Variants in CDH4 observed in about 807,000 individuals in gnomAD.
CDH4 encodes the protein cadherin 4, also known as cadherin-4.
In CDH4, 33 loss-of-function variants were observed where a neutral mutation model predicts 86.0. That is an observed-to-expected ratio of 0.38 (90% CI 0.29 to 0.51). The LOEUF is 0.51. Among genes scored for constraint, CDH4 ranks in the 20% least tolerant of loss-of-function variants. The pLI is 0.86. For missense variants in CDH4, 1,114 were observed against 1,307.4 expected, an observed-to-expected ratio of 0.85 and a Z score of 2.28; for synonymous variants, 555 against 549.4, an observed-to-expected ratio of 1.01 and a Z score of -0.14.
intron 7 of CDH4, among the ~76,000 whole-genome samples, chr20:61,886,402 AG>A (rs2146174215): frequency 6.6e-6 from 1 of 152,362 alleles, no homozygotes; most frequent in African/African-American, 2.4e-5. Context: ...CAAAAACCCC[AG>A]GGATGGCCCA....
Position 61,920,250 on chromosome 20 carries a change from TCA to T in CDH4, c.1375-3198_1375-3197del, listed in dbSNP as rs906710704. On this transcript the variant is annotated intron_variant, in intron 9 of 15. Coordinates refer to ENST00000614565, the MANE Select transcript of CDH4 (RefSeq NM_001794.5). ...ACGGTGATTGCATGGAAGCGTGGTGTCACAGTGATTGCATGGAAGCGTGTCAT... is the reference window on the plus strand; with the variant it reads ...ACGGTGATTGCATGGAAGCGTGGTGTCAGTGATTGCATGGAAGCGTGTCAT... Among the ~76,000 whole-genome samples, 84 of 150,370 alleles carry T rather than the reference TCA, an allele frequency of 5.6e-4. 1 individual carries two copies. Among genetic ancestry groups the T allele is most frequent in the African/African-American group, 1.9e-3 (78 of 40,704 alleles).
intron 2 of CDH4, among the ~76,000 whole-genome samples, chr20:61,688,714 A>G (rs2087617791): frequency 6.6e-6 from 1 of 152,242 alleles, no homozygotes; most frequent in Non-Finnish European, 1.5e-5. Flanking sequence ...CAGTGCCCCC[A>G]ACTTAGAGTC....
intron 2 of CDH4, among the ~76,000 whole-genome samples, chr20:61,280,104 G>T (rs1361964556): frequency 5.9e-5 from 9 of 152,148 alleles, no homozygotes; most frequent in Non-Finnish European, 7.4e-5. Flanking sequence ...ACCCTGGGCT[G>T]TGAGTCTGCG....
chr20:61,678,584 G>A (rs1038979062), intron 2 of CDH4, among the ~76,000 whole-genome samples: 2 of 152,226 alleles, frequency 1.3e-5, no homozygotes, highest in African/African-American at 4.8e-5. Flanking sequence ...GCAGTAACAA[G>A]TGCCACCAAC....
intron 2 of CDH4, among the ~76,000 whole-genome samples, chr20:61,628,959 G>A (rs554827152): frequency 6.6e-6 from 1 of 152,358 alleles, no homozygotes; most frequent in South Asian, 2.1e-4. Context: ...TGCATACAGT[G>A]GAGGCTTGAT....
chr20:61,879,529 A>C lies in CDH4; in HGVS notation c.1050+5629A>C, dbSNP rs542928309. Among the ~76,000 whole-genome samples, 1 of 152,206 alleles carries C rather than the reference A, an allele frequency of 6.6e-6. No individual in the cohort carries two copies. The highest frequency in any genetic ancestry group is 6.5e-5 in the Admixed American group (1 of 15,288). On this transcript the variant is annotated intron_variant, in intron 7 of 15. Coordinates refer to ENST00000614565, the MANE Select transcript of CDH4 (RefSeq NM_001794.5). This position sits in a 1 kb window ranked among gnomAD's most constrained non-coding sequence, Gnocchi z 4.1. ...ACAAACATCATTGCCGCCGTGTCTAATTAGGCAGAGCTATGTAAATTGAGC... is the reference window on the plus strand; with the variant it reads ...ACAAACATCATTGCCGCCGTGTCTACTTAGGCAGAGCTATGTAAATTGAGC...
intron 2 of CDH4, among the ~76,000 whole-genome samples, chr20:61,352,735 C>G (rs1009424522): frequency 5.9e-5 from 9 of 152,058 alleles, no homozygotes; most frequent in African/African-American, 2.2e-4. Context: ...GCGTTGTTTT[C>G]CTAGCCTGCC....
At chr20:61,444,343 G>GTT (rs1484792891) in intron 2 of CDH4, among the ~76,000 whole-genome samples, 5 of 3,828 alleles carry the variant, frequency 1.3e-3, no homozygotes, top group Non-Finnish European at 3.3e-3. Context: ...TTCTCTGTGT[G>GTT]TGTCTGTGTA....
intron 2 of CDH4, among the ~76,000 whole-genome samples, chr20:61,633,800 A>G (rs1350419186): frequency 6.6e-6 from 1 of 152,202 alleles, no homozygotes; most frequent in East Asian, 1.9e-4. Context: ...GCTGGTGCTC[A>G]GTGATGTAGC....
At position 61,694,847 on chromosome 20, in the gene CDH4, C is replaced by T. The variant is rs949547548; in HGVS notation, c.170-48716C>T. On this transcript the variant is annotated intron_variant, in intron 2 of 15. Coordinates refer to ENST00000614565, the MANE Select transcript of CDH4 (RefSeq NM_001794.5). ...ACAAGCCTGCTCTGCCGAGCGCTGGCGATACGCGGCAGATAGTGCTGACAG... is the reference window on the plus strand; with the variant it reads ...ACAAGCCTGCTCTGCCGAGCGCTGGTGATACGCGGCAGATAGTGCTGACAG... 7.9e-5 allele frequency among the ~76,000 whole-genome samples: 12 copies of T among 152,294 alleles called. No homozygotes were observed. The East Asian group carries it at 1.9e-3, about 25-fold the overall frequency.
chr20:61,354,718 G>A (rs1310788934), intron 2 of CDH4, among the ~76,000 whole-genome samples: 2 of 152,226 alleles, frequency 1.3e-5, no homozygotes, highest in Non-Finnish European at 2.9e-5. Context: ...GCTCGGCCAA[G>A]GTTTAGCCCT....
At chr20:61,254,802 A>T in intron 1 of CDH4, 24 bp from the exon 2 acceptor site, 1 of 1,348,208 alleles carries the variant, frequency 7.4e-7, no homozygotes, top group Non-Finnish European at 1.1e-6. Context: ...TTATTGTTTT[A>T]CACTCTCCCC....
At position 61,583,390 on chromosome 20, in the gene CDH4, C is replaced by T. The variant is rs190695773; in HGVS notation, c.170-160173C>T. On this transcript the variant is annotated intron_variant, in intron 2 of 15. Transcript: ENST00000614565. ...CCCCATGGTCATGTCTGGGTGCTTG[C>T]CTGTCCCTGTGCAGAGAGCAGTGAG... is the stretch of plus-strand genomic sequence containing the variant. 3.9e-5 allele frequency among the ~76,000 whole-genome samples: 6 copies of T among 152,166 alleles called. 1 individual carries two copies. The highest frequency in any genetic ancestry group is 1.4e-4 in the African/African-American group (6 of 41,520).
At chr20:61,665,380 A>G (rs1355627905) in intron 2 of CDH4, among the ~76,000 whole-genome samples, 1 of 152,238 alleles carries the variant, frequency 6.6e-6, no homozygotes, top group Non-Finnish European at 1.5e-5. Context: ...TTGACCTTTC[A>G]TCAGTTAAGC....
intron 2 of CDH4, among the ~76,000 whole-genome samples, chr20:61,724,466 C>G (rs6142675): frequency 5.9e-5 from 9 of 152,110 alleles, no homozygotes; most frequent in Non-Finnish European, 1.2e-4. Context: ...CTGCCCCCTG[C>G]ACTCCCGTGG....
intron 2 of CDH4, among the ~76,000 whole-genome samples, chr20:61,723,313 C>G (rs1202985175): frequency 6.6e-6 from 1 of 152,212 alleles, no homozygotes; most frequent in Non-Finnish European, 1.5e-5. Flanking sequence ...CTCCGGACCC[C>G]CGTCCTGGCT....
chr20:61,599,734 CTCCTGACGCGGCTCT>C, intron 2 of CDH4: 2 of 943,328 alleles, frequency 2.1e-6, no homozygotes, highest in Non-Finnish European at 2.5e-6. Context: ...CCCGCTCCTC[CTCCTGACGCGGCTCT>C]GCCTCTCCCA....
At chr20:61,817,332 C>CT (rs1051725098) in intron 4 of CDH4, among the ~76,000 whole-genome samples, 1 of 152,152 alleles carries the variant, frequency 6.6e-6, no homozygotes, top group Non-Finnish European at 1.5e-5. Context: ...CTGTGCCTTG[C>CT]TACGCTGCCG....
At chr20:61,462,420 C>T (rs75490564) in intron 2 of CDH4, among the ~76,000 whole-genome samples, 5,140 of 152,218 alleles carry the variant, frequency 0.034, 304 homozygotes, top group African/African-American at 0.11. Flanking sequence ...TATATGCAAA[C>T]GATTTTTAAT....
Sources: gnomAD v4.1 joint callset for allele counts (sites outside exome capture counted in the v4.1 genomes callset) on GRCh38, gnomAD v4.1.1 for gene constraint, Gnocchi (gnomAD v3.1) non-coding constraint, MANE v1.5 for transcripts, NCBI Gene and HGNC (gene_info 2026-07-23, HGNC 2026-07-21) for gene names.